UNC45B: variants seen among roughly 807,000 people sequenced by gnomAD.
UNC45B encodes the protein unc-45 myosin chaperone B.
A neutral mutation model predicts 98.7 loss-of-function variants in UNC45B; 78 were observed. The ratio of observed to expected loss-of-function variants is 0.79; its 90% confidence interval spans 0.66 to 0.95. The LOEUF is 0.95. Ranked by LOEUF, UNC45B falls within the 40% of genes least tolerant of loss-of-function variation. The probability of loss-of-function intolerance (pLI) is 0.00; values close to 1 mark genes in which losing one functional copy is unlikely to be tolerated. For synonymous variants in UNC45B, 462 were observed against 480.4 expected (o/e 0.96, Z 0.50); for missense variants, 1,225 against 1,184.9 (o/e 1.03, Z -0.50).
At chr17:35,148,489 T>C in intron 2 of UNC45B, 58 bp downstream of exon 2, 2 of 1,551,024 alleles carry the variant, frequency 1.3e-6, no homozygotes, top group East Asian at 2.3e-5. Context: ...TGGGGCTGAG[T>C]GGCAGCCCCT....
chr17:35,179,925 G>A (rs888174604), intron 17 of UNC45B, among the ~76,000 whole-genome samples: 30 of 152,228 alleles, frequency 2.0e-4, no homozygotes, highest in Middle Eastern at 6.8e-3. Flanking sequence ...ATATCCAGGT[G>A]GATAGTGGGA....
Position 35,186,349 on chromosome 17 carries a change from G to A in UNC45B, c.2580G>A (p.Leu860=), listed in dbSNP as rs778559923. ...AGCGGCTTTGCCTGCACGACCAGCT[G>A]TCTGTCCAACACCGGGGCCTGGTCA... ...ILQRLCLHDQ[L]SVQHRGLVIA... Residue 860 remains leucine (L), a synonymous_variant, in exon 20 of 20, where the codon CTG becomes CTA. Transcript: ENST00000394570. 9 of 1,614,048 alleles carry A rather than the reference G, an allele frequency of 5.6e-6. No homozygotes were observed. The Admixed American group carries it at 1.3e-4, about 24-fold the overall frequency.
In UNC45B at chr17:35,164,141, C is replaced by T. The variant is rs767643886; in HGVS notation, c.1126C>T (p.Arg376Cys). 3.3e-5 allele frequency: 54 copies of T among 1,612,746 alleles called. No individual in the cohort carries two copies. The highest frequency in any genetic ancestry group is 1.3e-4 in the Admixed American group (8 of 59,854). ...CTGTGACCCGGAGCGCGATCACTTC[C>T]GCAAGATCTGTGAGGAATATATCAC... ...LRCDPERDHFRKICEEYITGK... is the reference protein window; with the variant it reads ...LRCDPERDHFCKICEEYITGK... Residue 376 changes from arginine (R) to cysteine (C), a missense_variant, in exon 9 of 20, where the codon CGC becomes TGC. Coordinates refer to ENST00000394570, the MANE Select transcript of UNC45B (RefSeq NM_001267052.2).
intron 17 of UNC45B, among the ~76,000 whole-genome samples, chr17:35,180,290 A>AGAGAGAGAGAGAGAG (rs1597934958): frequency 5.5e-5 from 5 of 90,864 alleles, no homozygotes; most frequent in South Asian, 3.9e-4. Flanking sequence ...GAGAGAGAGA[A>AGAGAGAGAGAGAGAG]TTTCTTTACT....
Position 35,171,439 on chromosome 17 carries a change from C to A in UNC45B, c.1807C>A (p.His603Asn), listed in dbSNP as rs1181931154. 1.9e-6 allele frequency: 3 copies of A among 1,614,144 alleles called. No homozygotes were observed. Residue 603 changes from histidine to asparagine, a missense_variant, in exon 13 of 20, where the codon CAT (histidine) becomes AAT (asparagine). His to Asn is a moderately conservative substitution (Grantham distance 68). Transcript: ENST00000394570. ...LVQLAKFSKQHVPEEHPKDKK... is the reference protein window; with the variant it reads ...LVQLAKFSKQNVPEEHPKDKK... ...CCAGCTCGCCAAGTTCTCCAAGCAG[C>A]ATGTGCCCGAGGAACACCCCAAGGT...
intron 10 of UNC45B, 128 bp downstream of exon 10, chr17:35,168,489 C>T: frequency 1.4e-6 from 1 of 711,878 alleles, no homozygotes; most frequent in East Asian, 3.3e-5. Context: ...CCAGACCCAG[C>T]CACAGACCCC....
chr17:35,183,317 A>T, intron 18 of UNC45B, 110 bp from the exon 19 acceptor site: 10 of 1,253,316 alleles, frequency 8.0e-6, no homozygotes, highest in Non-Finnish European at 1.0e-5. Context: ...ACCTGCTCAA[A>T]GGGAAACTCT....
intron 9 of UNC45B, among the ~76,000 whole-genome samples, chr17:35,167,499 G>A (rs545626415): frequency 6.6e-6 from 1 of 152,202 alleles, no homozygotes; most frequent in Admixed American, 6.5e-5. Flanking sequence ...GTGTGCACCT[G>A]TAGTCTCAAC....
At chr17:35,160,447 T>C (rs2092095052) in intron 8 of UNC45B, among the ~76,000 whole-genome samples, 1 of 152,184 alleles carries the variant, frequency 6.6e-6, no homozygotes, top group Admixed American at 6.5e-5. Flanking sequence ...TATCTATTTA[T>C]TTCTTTTTAG....
chr17:35,171,424 A>G lies in UNC45B; in HGVS notation c.1792A>G (p.Lys598Glu). The change falls in exon 13 of 20, where the codon AAG (lysine) becomes GAG (glutamate). Residue 598 changes from lysine (K) to glutamate (E), a missense_variant. By Grantham distance (56) the Lys-to-Glu change is moderately conservative. Coordinates refer to ENST00000394570, the MANE Select transcript of UNC45B (RefSeq NM_001267052.2). ...CATCCCAGAGCTTGTCCAGCTCGCC[A>G]AGTTCTCCAAGCAGCATGTGCCCGA... Reference protein sequence around the residue: ...EVIPELVQLAKFSKQHVPEEH... With the variant: ...EVIPELVQLAEFSKQHVPEEH... The G allele has an allele frequency of 1.2e-6, 2 of 1,614,126 alleles. No individual in the cohort carries two copies. Among genetic ancestry groups the G allele is most frequent in the Non-Finnish European group, 8.5e-7 (1 of 1,180,010 alleles).
intron 18 of UNC45B, among the ~76,000 whole-genome samples, chr17:35,182,343 C>A (rs1269315532): frequency 1.3e-5 from 2 of 151,910 alleles, no homozygotes; most frequent in South Asian, 2.1e-4. Context: ...CCTGCCTTGG[C>A]CTCCCAAAGT....
At chr17:35,174,457 G>T in intron 14 of UNC45B, 88 bp downstream of exon 14, 2 of 1,557,018 alleles carry the variant, frequency 1.3e-6, no homozygotes, top group Non-Finnish European at 8.8e-7. Context: ...GATAGAAATG[G>T]TGGGGGCCTA....
rs573232689 is a variant in UNC45B, at chr17:35,155,321, G to A, written c.665G>A (p.Arg222Gln). The change falls in exon 7 of 20, where the codon CGG becomes CAG. Residue 222 changes from arginine to glutamine, a missense_variant. Coordinates refer to ENST00000394570, the MANE Select transcript of UNC45B (RefSeq NM_001267052.2). ...ARATVILHAV[R>Q]IDRICSLMAV... ...GCCACAGTGATTCTGCATGCAGTGCGGATAGACCGAATCTGTAGCCTCATG... is the reference window on the plus strand; with the variant it reads ...GCCACAGTGATTCTGCATGCAGTGCAGATAGACCGAATCTGTAGCCTCATG... 57 of 1,614,158 alleles carry A rather than the reference G, an allele frequency of 3.5e-5. No homozygotes were observed. The South Asian group carries it at 3.8e-4, about 11-fold the overall frequency.
intron 11 of UNC45B, 55 bp downstream of exon 11, chr17:35,169,986 G>C: frequency 6.2e-7 from 1 of 1,612,724 alleles, no homozygotes; most frequent in Non-Finnish European, 8.5e-7. Context: ...TTCCGGGCAA[G>C]AGTCTCTGGG....
At chr17:35,149,987 T>G (rs1010022747) in intron 3 of UNC45B, 61 bp from the exon 4 acceptor site, 35 of 1,485,304 alleles carry the variant, frequency 2.4e-5, no homozygotes, top group Non-Finnish European at 3.1e-5. Context: ...GTTGGGGCAG[T>G]GGGGCTGGTG....
intron 8 of UNC45B, among the ~76,000 whole-genome samples, chr17:35,162,544 T>C (rs1270285377): frequency 6.6e-6 from 1 of 152,116 alleles, no homozygotes. Flanking sequence ...CACCTCGGCC[T>C]AACCAAAGTG....
At chr17:35,173,040 A>G (rs1010240757) in intron 13 of UNC45B, among the ~76,000 whole-genome samples, 1 of 151,828 alleles carries the variant, frequency 6.6e-6, no homozygotes, top group South Asian at 2.1e-4. Flanking sequence ...GCTTGGGAAG[A>G]GGGAATCTGG....
At position 35,170,167 on chromosome 17, in the gene UNC45B, G is replaced by T. The variant is rs747620954; in HGVS notation, c.1601G>T (p.Gly534Val). The part of the protein sequence containing the change: ...DTRTRRWAVE[G>V]LAYLTLDADV... ...CGGACCCGACGCTGGGCAGTGGAGGGCCTGGCCTACCTCACGCTGGACGCT... is the reference window on the plus strand; with the variant it reads ...CGGACCCGACGCTGGGCAGTGGAGGTCCTGGCCTACCTCACGCTGGACGCT... Residue 534 changes from glycine (G) to valine (V), a missense_variant, in exon 12 of 20, where the codon GGC becomes GTC. Transcript: ENST00000394570. The T allele has an allele frequency of 6.2e-7, 1 of 1,613,782 alleles. No homozygotes were observed. The highest frequency in any genetic ancestry group is 1.7e-5 in the Admixed American group (1 of 59,996).
chr17:35,175,060 G>GATGAAAGAAAGAAAGAAAGA lies in UNC45B; in HGVS notation c.1958+692_1958+693insTGAAAGAAAGAAAGAAAGAA, dbSNP rs1491189117. On this transcript the variant is annotated intron_variant, in intron 14 of 19. Transcript: ENST00000394570. The stretch of plus-strand genomic sequence containing the variant: ...GAAAGAAGGAAAGAAAGAAAGGAAA[G>GATGAAAGAAAGAAAGAAAGA]AAGAAAGAAAGAAAGAAAGAAAGAA... Among the ~76,000 whole-genome samples the GATGAAAGAAAGAAAGAAAGA allele has an allele frequency of 1.6e-3, 171 of 110,152 alleles. 1 individual carries two copies. Among genetic ancestry groups the GATGAAAGAAAGAAAGAAAGA allele is most frequent in the African/African-American group, 5.5e-3 (165 of 29,800 alleles). The allele number at this position is 110,152 out of a possible 152,430, so 72.3% of individuals were successfully genotyped here.
Sources: gnomAD v4.1 joint callset for allele counts (sites outside exome capture counted in the v4.1 genomes callset) on GRCh38, gnomAD v4.1.1 for gene constraint, MANE v1.5 for transcripts, NCBI Gene and HGNC (gene_info 2026-07-23, HGNC 2026-07-21) for gene names.